The following FBXO11 variants were observed in gnomAD, a reference collection of about 807,000 sequenced individuals.
FBXO11 encodes F-box only protein 11.
FBXO11 carries 13 observed loss-of-function variants against 117.0 expected under a neutral mutation model. The observed-to-expected ratio is 0.11, with a 90% CI of 0.07 to 0.18. The LOEUF is 0.18. FBXO11 is among the 10% of genes least tolerant of loss of function. FBXO11 has a pLI of 1.00. For missense variants in FBXO11, 767 were observed against 1,164.4 expected, an observed-to-expected ratio of 0.66 and a Z score of 4.97; for synonymous variants, 490 against 380.5, an observed-to-expected ratio of 1.29 and a Z score of -3.35.
intron 1 of FBXO11, among the ~76,000 whole-genome samples, chr2:47,856,677 T>C (rs537018229): frequency 9.8e-5 from 15 of 152,350 alleles, no homozygotes; most frequent in Non-Finnish European, 1.9e-4. Flanking sequence ...TTCAGCACTA[T>C]AGAGGTAAAA....
Position 47,866,201 on chromosome 2 carries a change from T to C in FBXO11, c.233-26432A>G, listed in dbSNP as rs566273351. ...TTTGAGGCTGCAGTGACCTAGGATC[T>C]TGCCACTGCACTTCAGCCTGGACAA... On this transcript the variant is annotated intron_variant, in intron 1 of 22. Transcript: ENST00000403359. Among the ~76,000 whole-genome samples, 159 of 148,316 alleles carry C rather than the reference T, an allele frequency of 1.1e-3. 1 individual carries two copies. The highest frequency in any genetic ancestry group is 2.0e-3 in the Non-Finnish European group (135 of 67,500).
At chr2:47,884,618 T>C (rs1006269678) in intron 1 of FBXO11, among the ~76,000 whole-genome samples, 3 of 152,238 alleles carry the variant, frequency 2.0e-5, no homozygotes, top group African/African-American at 7.2e-5. Flanking sequence ...ATGTTTATCA[T>C]TGCTGTCTTT....
chr2:47,814,016 GGTTTA>G, intron 16 of FBXO11, 149 bp from the exon 17 acceptor site: 1 of 596,932 alleles, frequency 1.7e-6, no homozygotes, highest in East Asian at 3.0e-5. Flanking sequence ...AGAAGAAAGT[GGTTTA>G]ATTTTGCTTA....
intron 1 of FBXO11, among the ~76,000 whole-genome samples, chr2:47,858,015 A>G (rs1459974640): frequency 6.6e-6 from 1 of 152,258 alleles, no homozygotes; most frequent in Non-Finnish European, 1.5e-5. Flanking sequence ...AAAGAACAGC[A>G]GATGGCGCCA....
chr2:47,886,985 T>G (rs1376660722), intron 1 of FBXO11, among the ~76,000 whole-genome samples: 1 of 151,992 alleles, frequency 6.6e-6, no homozygotes, highest in African/African-American at 2.4e-5. Flanking sequence ...TACACTCTAG[T>G]CTGGGTAAAA....
chr2:47,808,279 A>C (rs1385846133), intron 22 of FBXO11, 32 bp from the exon 23 acceptor site: 5 of 1,612,808 alleles, frequency 3.1e-6, no homozygotes, highest in Non-Finnish European at 4.2e-6. Context: ...ATATTAGAAA[A>C]GTGAGGGGGA....
chr2:47,848,332 T>C (rs1673581781), intron 1 of FBXO11, among the ~76,000 whole-genome samples: 1 of 152,182 alleles, frequency 6.6e-6, no homozygotes, highest in Non-Finnish European at 1.5e-5. Flanking sequence ...TAGATTCTCA[T>C]AGGAGTGTGA....
intron 13 of FBXO11, among the ~76,000 whole-genome samples, chr2:47,821,943 G>C (rs970345359): frequency 5.3e-5 from 8 of 152,020 alleles, no homozygotes; most frequent in Non-Finnish European, 1.0e-4. Flanking sequence ...AAATGAGTGG[G>C]GCACGGTGGC....
chr2:47,903,457 C>T (rs1008873974), intron 1 of FBXO11, among the ~76,000 whole-genome samples: 10 of 152,188 alleles, frequency 6.6e-5, no homozygotes, highest in African/African-American at 2.4e-4. Context: ...AGAAAATTGA[C>T]ACTGGCATGT....
intron 1 of FBXO11, among the ~76,000 whole-genome samples, chr2:47,904,592 AC>A (rs1476439923): frequency 3.0e-4 from 15 of 49,678 alleles, no homozygotes; most frequent in Non-Finnish European, 6.0e-4. Context: ...ACACACACAC[AC>A]ACACACACAC....
At chr2:47,861,471 A>ACCATG (rs1245673622) in intron 1 of FBXO11, among the ~76,000 whole-genome samples, 1 of 152,012 alleles carries the variant, frequency 6.6e-6, no homozygotes, top group African/African-American at 2.4e-5. Context: ...GGTGCATACC[A>ACCATG]CCATGCCCAG....
intron 1 of FBXO11, among the ~76,000 whole-genome samples, chr2:47,847,480 G>A (rs563930306): frequency 3.3e-5 from 5 of 152,034 alleles, no homozygotes; most frequent in Admixed American, 6.6e-5. Context: ...AGGCCAAGAC[G>A]GGAGGATCAT....
chr2:47,872,299 T>C (rs1451835919), intron 1 of FBXO11, among the ~76,000 whole-genome samples: 1 of 152,192 alleles, frequency 6.6e-6, no homozygotes, highest in Non-Finnish European at 1.5e-5. Flanking sequence ...TTTCGGAAAG[T>C]ATTAAAGTCA....
At chr2:47,868,626 T>C (rs1675377297) in intron 1 of FBXO11, among the ~76,000 whole-genome samples, 1 of 152,172 alleles carries the variant, frequency 6.6e-6, no homozygotes, top group African/African-American at 2.4e-5. Context: ...CAACCATTGT[T>C]GTCATTGCCC....
chr2:47,810,910 TATC>T (rs1442097972), intron 18 of FBXO11: 1 of 152,500 alleles, frequency 6.6e-6, no homozygotes, highest in Non-Finnish European at 1.5e-5. Flanking sequence ...CTGCAACTCT[TATC>T]ATGCCTCTTT....
At chr2:47,904,204 G>GA (rs1678552894) in intron 1 of FBXO11, among the ~76,000 whole-genome samples, 1 of 152,114 alleles carries the variant, frequency 6.6e-6, no homozygotes, top group Non-Finnish European at 1.5e-5. Flanking sequence ...ATGGAGGTGT[G>GA]ACAACAAACG....
rs199888916 is a variant in FBXO11, at chr2:47,832,336, T to G, written c.1398+13A>C. 7.6e-6 allele frequency: 7 copies of G among 917,734 alleles called. No homozygotes were observed. Among genetic ancestry groups the G allele is most frequent in the Non-Finnish European group, 1.1e-5 (7 of 653,266 alleles). The allele number at this position is 917,734 out of a possible 1,614,324, so 56.8% of individuals were successfully genotyped here. Reference sequence around the variant, plus strand: ...CAGAAGTCCGTTTTTCTATTAAAAATAAGTGTTCTTACCATGCCATGATCA... The same window carrying G: ...CAGAAGTCCGTTTTTCTATTAAAAAGAAGTGTTCTTACCATGCCATGATCA... On this transcript the variant is annotated intron_variant, in intron 11 of 22. Transcript: ENST00000403359.
intron 1 of FBXO11, among the ~76,000 whole-genome samples, chr2:47,890,323 AAT>A (rs1238387204): frequency 6.6e-6 from 1 of 152,170 alleles, no homozygotes; most frequent in South Asian, 2.1e-4. Context: ...TACTAGAAAT[AAT>A]ATAGTCAATT....
chr2:47,904,581 A>AACACACACACACACAC (rs112758707), intron 1 of FBXO11, among the ~76,000 whole-genome samples: 12 of 147,688 alleles, frequency 8.1e-5, no homozygotes, highest in Middle Eastern at 3.5e-3. Flanking sequence ...CGCGCGCGCA[A>AACACACACACACACAC]ACACACACAC....
Sources: gnomAD v4.1 joint callset for allele counts (sites outside exome capture counted in the v4.1 genomes callset) on GRCh38, gnomAD v4.1.1 for gene constraint, MANE v1.5 for transcripts, NCBI Gene and HGNC (gene_info 2026-07-23, HGNC 2026-07-21) for gene names.